ZNF254: variants seen among roughly 807,000 people sequenced by gnomAD.
ZNF254 encodes zinc finger protein 254.
In ZNF254, 10 loss-of-function variants were observed where a neutral mutation model predicts 12.4. The ratio of observed to expected loss-of-function variants is 0.80; its 90% CI spans 0.50 to 1.36. ZNF254 has a LOEUF of 1.36. ZNF254 is among the 40% of genes most tolerant of loss of function. ZNF254 has a pLI of 0.00. For missense variants in ZNF254, 996 were observed against 763.9 expected (o/e 1.30, Z -3.58); for synonymous variants, 305 against 253.4 (o/e 1.20, Z -1.93).
In ZNF254 at chr19:24,126,373, G is replaced by T; in HGVS notation, c.373G>T (p.Gly125Cys). 1.2e-6 allele frequency: 2 copies of T among 1,609,672 alleles called. No homozygotes were observed. The highest frequency in any genetic ancestry group is 3.3e-4 in the Middle Eastern group (2 of 6,022). Residue 125 changes from glycine (G) to cysteine (C), a missense_variant, in exon 4 of 4, where the codon GGC (glycine) becomes TGC (cysteine). Coordinates refer to ENST00000357002, the MANE Select transcript of ZNF254 (RefSeq NM_203282.4). ...YGHENLQLRKGCKSVDEYKVN... is the reference protein window; with the variant it reads ...YGHENLQLRKCCKSVDEYKVN... ...ACATGAGAATTTACAGTTAAGAAAAGGCTGTAAAAGTGTGGATGAGTATAA... is the reference window on the plus strand; with the variant it reads ...ACATGAGAATTTACAGTTAAGAAAATGCTGTAAAAGTGTGGATGAGTATAA...
intron 2 of ZNF254, among the ~76,000 whole-genome samples, chr19:24,063,282 C>T (rs1971144480): frequency 6.6e-6 from 1 of 152,214 alleles, no homozygotes; most frequent in Non-Finnish European, 1.5e-5. Context: ...ATGTGACATA[C>T]ATCTTAGCCC....
At position 24,128,633 on chromosome 19, in the gene ZNF254, A is replaced by G. The variant is rs1244833223; in HGVS notation, c.*653A>G. 6.6e-6 allele frequency: 1 copy of G among 152,146 alleles called. No homozygotes were observed. The highest frequency in any genetic ancestry group is 2.4e-5 in the African/African-American group (1 of 41,452). The allele number at this position is 152,146 out of a possible 1,614,324, so 9.4% of individuals were successfully genotyped here. A position where few individuals can be genotyped will look rare whatever the true frequency, so the allele number is the denominator to read the frequency against. ...CATTTTTTCAAAAACTACAAATTAT[A>G]AAACACCAAAGTGTTCATACTAAAA... On this transcript the variant is annotated 3_prime_UTR_variant, in exon 4 of 4. Transcript: ENST00000357002.
At position 24,126,271 on chromosome 19, in the gene ZNF254, G is replaced by C. The variant is rs140779250; in HGVS notation, c.271G>C (p.Ala91Pro). ...DEPPGMCPHF[A>P]QDLWPEQGME... Reference sequence around the variant, plus strand: ...TTTTTCAGGTATGTGTCCTCATTTTGCTCAAGACCTTTGGCCAGAGCAGGG... The same window carrying C: ...TTTTTCAGGTATGTGTCCTCATTTTCCTCAAGACCTTTGGCCAGAGCAGGG... Residue 91 changes from alanine to proline, a missense_variant, in exon 4 of 4, where the codon GCT becomes CCT. Ala to Pro is a conservative substitution (Grantham distance 27). Transcript: ENST00000357002. 1.1e-4 allele frequency: 165 copies of C among 1,491,448 alleles called. 2 individuals are homozygous for C. The East Asian group carries it at 3.8e-3, about 34-fold the overall frequency. 92.4% of individuals were successfully genotyped at this position (1,491,448 alleles called of 1,614,324 possible).
chr19:24,123,363 A>G (rs1974616015), intron 3 of ZNF254, among the ~76,000 whole-genome samples: 1 of 152,144 alleles, frequency 6.6e-6, no homozygotes, highest in African/African-American at 2.4e-5. Context: ...AGCTATTGAG[A>G]AAGAGGTGTA....
In ZNF254 at chr19:24,087,215, C is replaced by A; in HGVS notation, c.-93C>A. ...TTTGTCTCTCGCTGTCGCCGGAGTC[C>A]CAGGTCTGTCTTCACTGCTCTGTGT... On this transcript the variant is annotated 5_prime_UTR_variant, in exon 1 of 4. Transcript: ENST00000357002. The A allele has an allele frequency of 1.9e-6, 3 of 1,566,494 alleles. No individual in the cohort carries two copies. In the African/African-American group the frequency reaches 4.1e-5, roughly 21 times the overall value.
rs17854260 is a variant in ZNF254, at chr19:24,126,278, A to G, written c.278A>G (p.Asp93Gly). The G allele has an allele frequency of 0.023, 35,170 of 1,501,900 alleles. 492 individuals are homozygous for G. The highest frequency in any genetic ancestry group is 0.055 in the Middle Eastern group (306 of 5,556). 93.0% of individuals were successfully genotyped at this position (1,501,900 alleles called of 1,614,324 possible). The change falls in exon 4 of 4, where the codon GAC becomes GGC. Residue 93 changes from aspartate to glycine, a missense_variant. Transcript: ENST00000357002. ...GGTATGTGTCCTCATTTTGCTCAAG[A>G]CCTTTGGCCAGAGCAGGGCATGGAA... The part of the protein sequence containing the change: ...PPGMCPHFAQ[D>G]LWPEQGMEDS...
intron 1 of ZNF254, among the ~76,000 whole-genome samples, chr19:24,089,040 G>T (rs1246507244): frequency 1.5e-5 from 2 of 134,024 alleles, no homozygotes; most frequent in Non-Finnish European, 1.5e-5. Context: ...GCAATGGCAC[G>T]ATCTCGGCTC....
At chr19:24,050,677 T>A (rs1022202738) in intron 2 of ZNF254, among the ~76,000 whole-genome samples, 1 of 152,184 alleles carries the variant, frequency 6.6e-6, no homozygotes, top group Non-Finnish European at 1.5e-5. Flanking sequence ...GTTGTGTGAC[T>A]CTCTTCTCCC....
In ZNF254 at chr19:24,118,770, G is replaced by A. The variant is rs904269073; in HGVS notation, c.254-7484G>A. Reference sequence around the variant, plus strand: ...ATTTAATGTTGTAGCTAAGAAAATGGCGCCAAGATTATTGTCATGTGTTTC... The same window carrying A: ...ATTTAATGTTGTAGCTAAGAAAATGACGCCAAGATTATTGTCATGTGTTTC... On this transcript the variant is annotated intron_variant, in intron 3 of 3. Coordinates refer to ENST00000357002, the MANE Select transcript of ZNF254 (RefSeq NM_203282.4). Among the ~76,000 whole-genome samples the A allele has an allele frequency of 1.1e-4, 17 of 151,986 alleles. No individual in the cohort carries two copies. The East Asian group carries it at 1.5e-3, about 14-fold the overall frequency.
intron 1 of ZNF254, among the ~76,000 whole-genome samples, chr19:24,041,338 G>A (rs955866344): frequency 1.3e-5 from 2 of 152,246 alleles, no homozygotes; most frequent in Non-Finnish European, 2.9e-5. Flanking sequence ...GGGAACCGGG[G>A]CTGCGTGCGG....
chr19:24,060,723 C>G (rs924740741), intron 2 of ZNF254, among the ~76,000 whole-genome samples: 1 of 152,184 alleles, frequency 6.6e-6, no homozygotes, highest in Admixed American at 6.5e-5. Flanking sequence ...GGTTCATCAT[C>G]TAGATGATAT....
intron 1 of ZNF254, among the ~76,000 whole-genome samples, chr19:24,042,346 A>C (rs1027749063): frequency 4.6e-5 from 7 of 152,226 alleles, no homozygotes; most frequent in African/African-American, 1.7e-4. Flanking sequence ...GGGTGGGGCC[A>C]GATAAGAGAA....
At chr19:24,049,199 T>TAG (rs1970532754) in intron 2 of ZNF254, among the ~76,000 whole-genome samples, 2 of 67,308 alleles carry the variant, frequency 3.0e-5, no homozygotes, top group African/African-American at 6.6e-5. Flanking sequence ...TATATATATA[T>TAG]ATATATATAT....
At chr19:24,076,995 TGACA>T (rs1377290947) in intron 2 of ZNF254, among the ~76,000 whole-genome samples, 2 of 152,198 alleles carry the variant, frequency 1.3e-5, no homozygotes, top group Non-Finnish European at 1.5e-5. Flanking sequence ...AGTGAATAGA[TGACA>T]GACAGAACTC....
Position 24,065,708 on chromosome 19 carries a change from G to A in ZNF254, c.-94+19429G>A, listed in dbSNP as rs535950160. On this transcript the variant is annotated intron_variant, in intron 2 of 4. Transcript: ENST00000613065. ...CGGTGATTTGACTCTCCCTTTTTTTGTGGGAGGGATCCTGCAAATTTTGGG... is the reference window on the plus strand; with the variant it reads ...CGGTGATTTGACTCTCCCTTTTTTTATGGGAGGGATCCTGCAAATTTTGGG... The A allele has an allele frequency of 1.4e-3, 206 of 151,972 alleles. 1 individual carries two copies. The highest frequency in any genetic ancestry group is 4.8e-3 in the African/African-American group (201 of 41,448). The allele number at this position is 151,972 out of a possible 1,614,324, so 9.4% of individuals were successfully genotyped here.
At chr19:24,080,533 T>G (rs8105851) in intron 2 of ZNF254, 48,066 of 151,884 alleles carry the variant, frequency 0.32, 9,408 homozygotes, top group African/African-American at 0.56. Context: ...GCCATGGCAG[T>G]TAAGAATATG....
At chr19:24,039,891 T>C (rs1970095845) in intron 1 of ZNF254, among the ~76,000 whole-genome samples, 2 of 152,210 alleles carry the variant, frequency 1.3e-5, no homozygotes, top group Non-Finnish European at 2.9e-5. Flanking sequence ...TTTCTGTTGC[T>C]TTTCCCTTGT....
chr19:24,042,908 T>C (rs1232959599), intron 1 of ZNF254, among the ~76,000 whole-genome samples: 1 of 152,246 alleles, frequency 6.6e-6, no homozygotes, highest in African/African-American at 2.4e-5. Flanking sequence ...AAAGTTATTT[T>C]TCTCTTTATT....
chr19:24,105,831 C>T (rs1973305716), intron 1 of ZNF254, 109 bp from the exon 2 acceptor site: 5 of 1,473,478 alleles, frequency 3.4e-6, no homozygotes, highest in East Asian at 2.6e-5. Flanking sequence ...ATTTCAATCA[C>T]TCTTATAAGT....
Sources: gnomAD v4.1 joint callset for allele counts (sites outside exome capture counted in the v4.1 genomes callset) on GRCh38, gnomAD v4.1.1 for gene constraint, MANE v1.5 for transcripts, NCBI Gene and HGNC (gene_info 2026-07-23, HGNC 2026-07-21) for gene names.